Variants in ATP6V1E1 observed in about 807,000 individuals in gnomAD.
ATP6V1E1 encodes the protein ATPase H+ transporting V1 subunit E1, also known as V-type proton ATPase subunit E 1.
Under a neutral mutation model 35.2 loss-of-function variants are expected in ATP6V1E1, and 21 were observed. That is an observed-to-expected ratio of 0.60 (90% CI 0.42 to 0.86). ATP6V1E1 has a LOEUF of 0.86. Ranked by LOEUF, ATP6V1E1 falls within the 40% of genes least tolerant of loss-of-function variation. The pLI is 0.00. For synonymous variants in ATP6V1E1, 83 were observed against 87.8 expected (o/e 0.95, Z 0.30); for missense variants, 183 against 272.6 (o/e 0.67, Z 2.32).
chr22:17,618,129 A>G (rs1350018264), intron 2 of ATP6V1E1, among the ~76,000 whole-genome samples: 1 of 152,114 alleles, frequency 6.6e-6, no homozygotes, highest in African/African-American at 2.4e-5. Flanking sequence ...CTTTTTTGCA[A>G]TGAGCACAGA....
At chr22:17,599,683 G>A (rs1431046093) in intron 6 of ATP6V1E1, among the ~76,000 whole-genome samples, 1 of 150,200 alleles carries the variant, frequency 6.7e-6, no homozygotes, top group Non-Finnish European at 1.5e-5. Flanking sequence ...ACTTTGGGAG[G>A]ACGAGGCGGG....
intron 4 of ATP6V1E1, among the ~76,000 whole-genome samples, chr22:17,601,589 G>A (rs1205420300): frequency 6.6e-6 from 1 of 152,162 alleles, no homozygotes; most frequent in Non-Finnish European, 1.5e-5. Flanking sequence ...TGGAAGGCCA[G>A]ATTACGAATA....
At chr22:17,620,150 GTTT>G (rs35111647) in intron 1 of ATP6V1E1, among the ~76,000 whole-genome samples, 1 of 136,018 alleles carries the variant, frequency 7.4e-6, no homozygotes. Context: ...CCTTCCCTTT[GTTT>G]TTTTTTTTTT....
At chr22:17,594,484 C>T (rs369068029) in intron 8 of ATP6V1E1, 45 bp downstream of exon 8, 298 of 1,412,948 alleles carry the variant, frequency 2.1e-4, no homozygotes, top group Non-Finnish European at 2.7e-4. Flanking sequence ...TGTCCCACTT[C>T]AAAGTAACAG....
At position 17,598,245 on chromosome 22, in the gene ATP6V1E1, T is replaced by C. The variant is rs775624710; in HGVS notation, c.479A>G (p.Lys160Arg). 2.4e-5 allele frequency: 38 copies of C among 1,614,040 alleles called. No individual in the cohort carries two copies. Among genetic ancestry groups the C allele is most frequent in the Admixed American group, 8.3e-5 (5 of 59,996 alleles). Residue 160 changes from lysine (K) to arginine (R), a missense_variant, in exon 7 of 9, where the codon AAA becomes AGA. Lys to Arg is a conservative substitution (Grantham distance 26). Coordinates refer to ENST00000253413, the MANE Select transcript of ATP6V1E1 (RefSeq NM_001696.4). ...GTCAATTTGGACATCAACATCGTTT[T>C]TGGTGGCAATTTTGTACATAGGAAT... is the stretch of plus-strand genomic sequence containing the variant. ...KAIPMYKIAT[K>R]NDVDVQIDQE...
intron 2 of ATP6V1E1, among the ~76,000 whole-genome samples, chr22:17,617,303 T>C (rs919326638): frequency 4.6e-5 from 7 of 152,162 alleles, no homozygotes; most frequent in Non-Finnish European, 8.8e-5. Context: ...ACTGATTTTT[T>C]TCTTGAGACA....
intron 4 of ATP6V1E1, among the ~76,000 whole-genome samples, chr22:17,607,378 G>A (rs929086888): frequency 6.6e-6 from 1 of 151,908 alleles, no homozygotes; most frequent in East Asian, 1.9e-4. Context: ...GGATGATCTC[G>A]ATCTCCTGAC....
intron 1 of ATP6V1E1, among the ~76,000 whole-genome samples, chr22:17,623,071 TTTC>T (rs775265295): frequency 9.8e-5 from 15 of 152,364 alleles, no homozygotes; most frequent in Non-Finnish European, 1.8e-4. Context: ...TTTTCTTTTT[TTTC>T]TTATTTTGGC....
chr22:17,612,908 G>A, intron 3 of ATP6V1E1, 30 bp from the exon 4 acceptor site: 4 of 1,577,772 alleles, frequency 2.5e-6, no homozygotes, highest in Non-Finnish European at 3.5e-6. Context: ...AATAGCATTA[G>A]TAACAACTTA....
intron 4 of ATP6V1E1, 96 bp from the exon 5 acceptor site, chr22:17,601,277 C>T: frequency 1.1e-6 from 1 of 915,448 alleles, no homozygotes; most frequent in Non-Finnish European, 1.7e-6. Context: ...CCAGCTGCCT[C>T]ACATTTTATT....
intron 7 of ATP6V1E1, chr22:17,594,824 T>C (rs948521857): frequency 1.5e-5 from 6 of 388,254 alleles, no homozygotes; most frequent in East Asian, 4.5e-5. Context: ...ATGTCCATTA[T>C]ATGAAACAGC....
chr22:17,613,068 G>A, intron 3 of ATP6V1E1, 143 bp downstream of exon 3: 1 of 900,838 alleles, frequency 1.1e-6, no homozygotes, highest in Non-Finnish European at 1.7e-6. Flanking sequence ...TTTCACAAAT[G>A]AAGAAAGAGA....
chr22:17,618,660 C>A (rs1048038497), intron 2 of ATP6V1E1, among the ~76,000 whole-genome samples: 2 of 130,766 alleles, frequency 1.5e-5, no homozygotes, highest in Non-Finnish European at 3.1e-5. Flanking sequence ...CCAGCCTGGG[C>A]GACAGAGCGA....
intron 1 of ATP6V1E1, among the ~76,000 whole-genome samples, chr22:17,622,585 C>G (rs976305900): frequency 6.6e-6 from 1 of 152,038 alleles, no homozygotes; most frequent in East Asian, 1.9e-4. Flanking sequence ...CACCATGGCA[C>G]GCGTATCACT....
chr22:17,623,249 G>C (rs1017909393), intron 1 of ATP6V1E1, among the ~76,000 whole-genome samples: 2 of 152,138 alleles, frequency 1.3e-5, no homozygotes, highest in Non-Finnish European at 2.9e-5. Context: ...ACCTAATCCA[G>C]ACCTAGATGT....
intron 6 of ATP6V1E1, 100 bp downstream of exon 6, chr22:17,599,927 A>T (rs1454401801): frequency 1.9e-6 from 2 of 1,035,708 alleles, no homozygotes; most frequent in Admixed American, 4.6e-5. Context: ...CTCCACCAAA[A>T]AAAAAAGAAA....
intron 1 of ATP6V1E1, among the ~76,000 whole-genome samples, chr22:17,625,289 G>A (rs1024166567): frequency 5.9e-5 from 9 of 151,902 alleles, no homozygotes; most frequent in Non-Finnish European, 1.0e-4. Flanking sequence ...TTTTGAGACC[G>A]AGTTTCACTC....
intron 1 of ATP6V1E1, among the ~76,000 whole-genome samples, chr22:17,621,364 C>A (rs1288419262): frequency 1.3e-5 from 2 of 152,172 alleles, no homozygotes; most frequent in Admixed American, 6.6e-5. Flanking sequence ...GGCTAGAGTG[C>A]AATGGCACAA....
chr22:17,608,955 G>A (rs1037868350), intron 4 of ATP6V1E1, among the ~76,000 whole-genome samples: 3 of 151,844 alleles, frequency 2.0e-5, no homozygotes, highest in East Asian at 2.0e-4. Flanking sequence ...GCGCAGTGGC[G>A]GGCGTCTGTA....
Sources: allele counts gnomAD v4.1 joint callset (sites outside exome capture counted in the v4.1 genomes callset), GRCh38; gene constraint gnomAD v4.1.1; transcripts MANE v1.5; gene names NCBI Gene and HGNC (gene_info 2026-07-23, HGNC 2026-07-21).